USP22: variants seen among roughly 807,000 people sequenced by gnomAD.
The protein encoded by USP22 is ubiquitin carboxyl-terminal hydrolase 22.
Under a neutral mutation model 68.1 loss-of-function variants are expected in USP22, and 22 were observed. The observed-to-expected ratio is 0.32, with a 90% CI of 0.23 to 0.46. USP22 has a LOEUF of 0.46. USP22 is among the 20% of genes least tolerant of loss of function. The pLI is 1.00. For missense variants in USP22, 433 were observed against 695.8 expected (o/e 0.62, Z 4.25); for synonymous variants, 279 against 274.2 (o/e 1.02, Z -0.17).
At chr17:21,008,074 C>A in intron 8 of USP22, 78 bp from the exon 9 acceptor site, 1 of 1,523,944 alleles carries the variant, frequency 6.6e-7, no homozygotes, top group Non-Finnish European at 8.9e-7. Context: ...GGTATTTTAT[C>A]TCTTTCATTG....
chr17:21,043,303 C>CCCCCCCCCCCCCCCCCCCCCCG (rs1567596626), upstream of USP22: 2 of 53,672 alleles, frequency 3.7e-5, no homozygotes, highest in Non-Finnish European at 1.0e-4. Context: ...TAGGCCACCC[C>CCCCCCCCCCCCCCCCCCCCCCG]CCCCCCCCCC....
At chr17:21,016,604 C>T (rs1972086585) in intron 5 of USP22, among the ~76,000 whole-genome samples, 1 of 152,224 alleles carries the variant, frequency 6.6e-6, no homozygotes, top group African/African-American at 2.4e-5. Flanking sequence ...ACATCGAAAG[C>T]ACACATCATG....
chr17:21,005,944 C>G (rs1005785897), intron 10 of USP22, among the ~76,000 whole-genome samples: 15 of 152,148 alleles, frequency 9.9e-5, no homozygotes, highest in African/African-American at 3.4e-4. Flanking sequence ...GCAGAGGGAA[C>G]TGGACACAGA....
intron 6 of USP22, among the ~76,000 whole-genome samples, chr17:21,015,187 A>T (rs1289832723): frequency 1.3e-5 from 2 of 152,118 alleles, no homozygotes; most frequent in East Asian, 3.9e-4. Context: ...AACACCACAC[A>T]ACTCTGAAAA....
chr17:21,021,837 T>C (rs1009948401), intron 2 of USP22, among the ~76,000 whole-genome samples: 1 of 152,206 alleles, frequency 6.6e-6, no homozygotes, highest in Non-Finnish European at 1.5e-5. Context: ...CTGTGACTTA[T>C]GCCTGTTACC....
chr17:21,005,004 C>T lies in USP22; in HGVS notation c.1323-14G>A, dbSNP rs746632196. 33 of 1,613,758 alleles carry T rather than the reference C, an allele frequency of 2.0e-5. No individual in the cohort carries two copies. Among genetic ancestry groups the T allele is most frequent in the African/African-American group, 1.1e-4 (8 of 74,922 alleles). On this transcript the variant is annotated splice_polypyrimidine_tract_variant and intron_variant, in intron 10 of 12. Transcript: ENST00000261497. The stretch of plus-strand genomic sequence containing the variant: ...CTGCTCTCTTTGCTGTAACAGACAA[C>T]GGCAGGATTCAGCATCATTAAAATC...
chr17:21,011,372 C>T, intron 7 of USP22, 63 bp from the exon 8 acceptor site: 7 of 1,542,694 alleles, frequency 4.5e-6, no homozygotes, highest in Admixed American at 4.0e-5. Context: ...AGAGGCAACC[C>T]GGGGTGGAAG....
At chr17:21,007,274 A>G (rs1913810126) in intron 9 of USP22, among the ~76,000 whole-genome samples, 2 of 152,210 alleles carry the variant, frequency 1.3e-5, no homozygotes, top group Non-Finnish European at 2.9e-5. Flanking sequence ...AAAACAAAAC[A>G]AAGATCCGTG....
At chr17:21,041,644 T>C (rs886153370) in intron 1 of USP22, among the ~76,000 whole-genome samples, 3 of 151,864 alleles carry the variant, frequency 2.0e-5, no homozygotes, top group African/African-American at 4.8e-5. Flanking sequence ...TACCCTACAA[T>C]CTCAGCGAGC....
chr17:21,037,962 T>C (rs1324118981), intron 1 of USP22, among the ~76,000 whole-genome samples: 1 of 152,218 alleles, frequency 6.6e-6, no homozygotes, highest in Non-Finnish European at 1.5e-5. Context: ...TACAATGACC[T>C]CAAAATTAAA....
Position 21,009,396 on chromosome 17 carries a change from G to A in USP22, c.1104-1400C>T, listed in dbSNP as rs1295157578. 7.2e-5 allele frequency among the ~76,000 whole-genome samples: 11 copies of A among 152,272 alleles called. No homozygotes were observed. The South Asian group carries it at 1.2e-3, about 17-fold the overall frequency. ...CTCTGGGCAAAGCTGCACCTGTTTC[G>A]TTGCTAGCTTTGTGATCTGCTCTCC... is the stretch of plus-strand genomic sequence containing the variant. On this transcript the variant is annotated intron_variant, in intron 8 of 12. Transcript: ENST00000261497.
intron 1 of USP22, among the ~76,000 whole-genome samples, chr17:21,031,783 T>A (rs1972294493): frequency 6.6e-6 from 1 of 152,206 alleles, no homozygotes; most frequent in African/African-American, 2.4e-5. Flanking sequence ...TTATGGTCTA[T>A]CTCTACTACA....
rs769547372 is a variant in USP22 at position 21,014,975 on chromosome 17, C to A, written c.838+777G>T. On this transcript the variant is annotated intron_variant, in intron 6 of 12. Coordinates refer to ENST00000261497, the MANE Select transcript of USP22 (RefSeq NM_015276.2). ...GCTGAATCAGAAACGCCAGCACGGG[C>A]TTTAGGAAGACCTGCAAGTGACCAG... 9.2e-5 allele frequency among the ~76,000 whole-genome samples: 14 copies of A among 152,312 alleles called. No homozygotes were observed. The East Asian group carries it at 1.5e-3, about 17-fold the overall frequency.
chr17:21,042,934 C>A lies in USP22; in HGVS notation c.-99G>T. Reference sequence around the variant, plus strand: ...CTGCTCGGCGGCTGGCCAGGCTGGCCAAGGCCCGGGCGCCGAGAACAAAGC... The same window carrying A: ...CTGCTCGGCGGCTGGCCAGGCTGGCAAAGGCCCGGGCGCCGAGAACAAAGC... On this transcript the variant is annotated 5_prime_UTR_variant, in exon 1 of 13. Coordinates refer to ENST00000261497, the MANE Select transcript of USP22 (RefSeq NM_015276.2). The A allele has an allele frequency of 1.2e-6, 1 of 805,896 alleles. No homozygotes were observed. Among genetic ancestry groups the A allele is most frequent in the Non-Finnish European group, 1.6e-6 (1 of 611,150 alleles). 49.9% of individuals were successfully genotyped at this position (805,896 alleles called of 1,614,324 possible). A position where few individuals can be genotyped will look rare whatever the true frequency, so the allele number is the denominator to read the frequency against.
At chr17:21,004,837 G>A (rs1364746656) in intron 11 of USP22, 91 bp downstream of exon 11, 5 of 1,450,010 alleles carry the variant, frequency 3.4e-6, no homozygotes, top group Admixed American at 1.9e-5. Flanking sequence ...AGTGGCGGGG[G>A]ATCCGCTGGG....
At chr17:21,039,525 T>C (rs547170701) in intron 1 of USP22, among the ~76,000 whole-genome samples, 9 of 152,116 alleles carry the variant, frequency 5.9e-5, no homozygotes, top group Admixed American at 3.3e-4. Context: ...GATCACGCCA[T>C]TGCCCTCCAG....
intron 11 of USP22, among the ~76,000 whole-genome samples, chr17:21,004,650 CAAG>C (rs1256726475): frequency 6.6e-6 from 1 of 152,224 alleles, no homozygotes; most frequent in African/African-American, 2.4e-5. Flanking sequence ...AACCCCAAGG[CAAG>C]AAGAATGAAC....
At chr17:21,043,379 G>A (rs1972477136), upstream of USP22, 1 of 217,298 alleles carries the variant, frequency 4.6e-6, no homozygotes, top group Non-Finnish European at 8.9e-6. Context: ...CGCCTCCCGG[G>A]ACCCTGGCGG....
At chr17:21,019,376 CAG>C (rs1972126083) in intron 3 of USP22, among the ~76,000 whole-genome samples, 191 bp from the exon 4 acceptor site, 1 of 152,246 alleles carries the variant, frequency 6.6e-6, no homozygotes, top group South Asian at 2.1e-4. Flanking sequence ...GAGCTTCTCA[CAG>C]AGGGTATGAG....
Sources: gnomAD v4.1 joint callset for allele counts (sites outside exome capture counted in the v4.1 genomes callset) on GRCh38, gnomAD v4.1.1 for gene constraint, MANE v1.5 for transcripts, NCBI Gene and HGNC (gene_info 2026-07-23, HGNC 2026-07-21) for gene names.